Variants in POU6F2 observed in about 807,000 individuals in gnomAD.
The protein encoded by POU6F2 is POU domain, class 6, transcription factor 2.
POU6F2 carries 31 observed loss-of-function variants against 71.3 expected under a neutral mutation model. The observed-to-expected ratio is 0.43, with a 90% CI of 0.33 to 0.59. The LOEUF (loss-of-function observed/expected upper bound fraction) is 0.59, where lower values mean the gene tolerates loss of function less well. Among genes scored for constraint, POU6F2 ranks in the 20% least tolerant of loss-of-function variants. The pLI is 0.04. For missense variants in POU6F2, 783 were observed against 856.8 expected (o/e 0.91, Z 1.07); for synonymous variants, 347 against 355.7 (o/e 0.98, Z 0.27).
chr7:39,272,513 A>G (rs939838981), intron 4 of POU6F2, among the ~76,000 whole-genome samples: 5 of 152,238 alleles, frequency 3.3e-5, no homozygotes, highest in African/African-American at 9.6e-5. Flanking sequence ...GTTAGCTGAA[A>G]AAAAACAAAA....
intron 2 of POU6F2, among the ~76,000 whole-genome samples, chr7:39,161,758 C>G (rs1793003946): frequency 6.6e-6 from 1 of 152,076 alleles, no homozygotes; most frequent in East Asian, 1.9e-4. Context: ...CATCCGGAGA[C>G]AGAATAATGA....
chr7:39,327,727 A>G (rs4723860), intron 4 of POU6F2, among the ~76,000 whole-genome samples: 142,708 of 151,852 alleles, frequency 0.94, 67,094 homozygotes, highest in East Asian at 1. Flanking sequence ...ATAGACATAT[A>G]TATAAAATTT....
At chr7:39,375,951 A>G (rs941184806) in intron 5 of POU6F2, among the ~76,000 whole-genome samples, 2 of 152,066 alleles carry the variant, frequency 1.3e-5, no homozygotes, top group African/African-American at 2.4e-5. Context: ...ATTGAATTCA[A>G]ATCCCACTCT....
rs988233171 is a variant in POU6F2 at position 39,460,704 on chromosome 7, G to A, written c.1647G>A (p.Ser549=). The A allele has an allele frequency of 8.1e-6, 13 of 1,599,986 alleles. No homozygotes were observed. Among genetic ancestry groups the A allele is most frequent in the Admixed American group, 6.9e-5 (4 of 58,346 alleles). Residue 549 remains serine (S), a synonymous_variant, in exon 9 of 10, where the codon TCG becomes TCA. Coordinates refer to ENST00000518318, the MANE Select transcript of POU6F2 (RefSeq NM_001370959.1). The surrounding 1 kb of genome is among the most constrained non-coding windows in gnomAD (Gnocchi z 4.4). ...SATEGPAYSQ[S]AICRHTILRS... The stretch of plus-strand genomic sequence containing the variant: ...CAGAGGGCCCCGCGTACAGCCAGTC[G>A]GCCATCTGCAGGTAACGCGCGCCTG...
intron 6 of POU6F2, among the ~76,000 whole-genome samples, chr7:39,413,009 T>C (rs536194100): frequency 6.6e-6 from 1 of 151,360 alleles, no homozygotes; most frequent in East Asian, 1.9e-4. Flanking sequence ...TTTCACCGTG[T>C]TAGCCAGGAT....
chr7:39,408,158 G>A (rs1161798209), intron 6 of POU6F2, among the ~76,000 whole-genome samples: 1 of 152,174 alleles, frequency 6.6e-6, no homozygotes, highest in Non-Finnish European at 1.5e-5. Context: ...TCGCTGCTTC[G>A]TAGAGCTGTG....
At chr7:38,978,993 GT>G (rs1278972468) in intron 1 of POU6F2, among the ~76,000 whole-genome samples, 1 of 152,176 alleles carries the variant, frequency 6.6e-6, no homozygotes, top group Non-Finnish European at 1.5e-5. Flanking sequence ...GATAACTAAA[GT>G]GGTGGAAGGA....
intron 4 of POU6F2, among the ~76,000 whole-genome samples, chr7:39,256,779 G>A (rs1280127791): frequency 2.0e-5 from 3 of 152,194 alleles, no homozygotes; most frequent in South Asian, 2.1e-4. Context: ...GAAGTTGGAC[G>A]AATAGAGCCC....
intron 2 of POU6F2, among the ~76,000 whole-genome samples, chr7:39,108,142 G>A (rs777223249): frequency 1.3e-4 from 20 of 152,178 alleles, no homozygotes; most frequent in Admixed American, 2.6e-4. Context: ...AGATGAGGGC[G>A]ACCATAGTAA....
chr7:39,170,914 CA>C (rs928204780), intron 2 of POU6F2, among the ~76,000 whole-genome samples: 7 of 136,292 alleles, frequency 5.1e-5, no homozygotes, highest in East Asian at 2.2e-4. Context: ...TTTCACTTTA[CA>C]AAAAAAAATC....
At chr7:39,363,772 G>T (rs1351886804) in intron 5 of POU6F2, among the ~76,000 whole-genome samples, 1 of 151,868 alleles carries the variant, frequency 6.6e-6, no homozygotes, top group African/African-American at 2.4e-5. Context: ...CAAGTAAAAA[G>T]AAATTTGAGA....
chr7:39,457,828 C>G (rs770864318), intron 8 of POU6F2, among the ~76,000 whole-genome samples: 28 of 152,136 alleles, frequency 1.8e-4, no homozygotes, highest in Non-Finnish European at 3.5e-4. Context: ...TGCTCACACC[C>G]TTGCAAGACT....
rs1789034976 is a variant in POU6F2 at position 39,464,956 on chromosome 7, C to T, written c.*270C>T. The T allele has an allele frequency of 2.5e-6, 1 of 404,176 alleles. No homozygotes were observed. Among genetic ancestry groups the T allele is most frequent in the African/African-American group, 2.0e-5 (1 of 49,664 alleles). 25.0% of individuals were successfully genotyped at this position (404,176 alleles called of 1,614,324 possible). A position where few individuals can be genotyped will look rare whatever the true frequency, so the allele number is the denominator to read the frequency against. ...TGAAGGTGTGTGTGGTAGGATAGTT[C>T]CCTTCCCCCACCTGTCTCCCCCAAA... is the stretch of plus-strand genomic sequence containing the variant. On this transcript the variant is annotated 3_prime_UTR_variant, in exon 10 of 10. Coordinates refer to ENST00000518318, the MANE Select transcript of POU6F2 (RefSeq NM_001370959.1). The surrounding 1 kb of genome is among the most constrained non-coding windows in gnomAD (Gnocchi z 4.1).
At chr7:39,150,225 C>CTG (rs60761447) in intron 2 of POU6F2, among the ~76,000 whole-genome samples, 10,981 of 141,056 alleles carry the variant, frequency 0.078, 546 homozygotes, top group Non-Finnish European at 0.11. Flanking sequence ...AGTAATATGT[C>CTG]TGTGTGTGTG....
intron 4 of POU6F2, among the ~76,000 whole-genome samples, chr7:39,329,998 C>T (rs116146707): frequency 2.7e-3 from 410 of 152,296 alleles, no homozygotes; most frequent in African/African-American, 9.4e-3. Flanking sequence ...CAATGTAATA[C>T]ATGCATGTGG....
intron 5 of POU6F2, among the ~76,000 whole-genome samples, chr7:39,363,641 A>G (rs1428942641): frequency 6.8e-6 from 1 of 147,854 alleles, no homozygotes; most frequent in East Asian, 2.0e-4. Context: ...AGGAAGAGAA[A>G]TTGGCCTACG....
chr7:39,069,332 G>C (rs1790826136), intron 1 of POU6F2, among the ~76,000 whole-genome samples: 1 of 152,188 alleles, frequency 6.6e-6, no homozygotes. Flanking sequence ...GAAGAGACTT[G>C]CTTGGGAAGG....
chr7:39,001,824 G>A lies in POU6F2; in HGVS notation c.105+23766G>A, dbSNP rs543108125. 4.6e-5 allele frequency among the ~76,000 whole-genome samples: 7 copies of A among 152,060 alleles called. No individual in the cohort carries two copies. The South Asian group carries it at 1.2e-3, about 27-fold the overall frequency. On this transcript the variant is annotated intron_variant, in intron 1 of 9. Coordinates refer to ENST00000518318, the MANE Select transcript of POU6F2 (RefSeq NM_001370959.1). ...TGGTGATGGTAGTGATGTGATGATA[G>A]TCATGGTGATGTGATGATAGTCATG...
intron 4 of POU6F2, among the ~76,000 whole-genome samples, chr7:39,208,239 A>G (rs1261883718): frequency 1.3e-5 from 2 of 152,192 alleles, no homozygotes; most frequent in Non-Finnish European, 2.9e-5. Flanking sequence ...TTGTCTTGAT[A>G]TTATGAAGGT....
Sources: allele counts gnomAD v4.1 joint callset (sites outside exome capture counted in the v4.1 genomes callset), GRCh38; gene constraint gnomAD v4.1.1; non-coding constraint Gnocchi (gnomAD v3.1); transcripts MANE v1.5; gene names NCBI Gene and HGNC (gene_info 2026-07-23, HGNC 2026-07-21).